Variants in SCAPER observed in about 807,000 individuals in gnomAD.
SCAPER encodes the protein S-phase cyclin A associated protein in the ER.
A neutral mutation model predicts 182.2 loss-of-function variants in SCAPER; 98 were observed. That is an observed-to-expected ratio of 0.54 (90% CI 0.46 to 0.64). The LOEUF (loss-of-function observed/expected upper bound fraction) is 0.64, where lower values mean the gene tolerates loss of function less well. Among genes scored for constraint, SCAPER ranks in the 30% least tolerant of loss-of-function variants. SCAPER has a pLI of 0.00. For synonymous variants in SCAPER, 605 were observed against 564.6 expected (o/e 1.07, Z -1.01); for missense variants, 1,432 against 1,690.0 (o/e 0.85, Z 2.68).
At chr15:76,627,661 T>C (rs1031809032) in intron 21 of SCAPER, among the ~76,000 whole-genome samples, 4 of 152,240 alleles carry the variant, frequency 2.6e-5, no homozygotes, top group African/African-American at 4.8e-5. Flanking sequence ...CCATGGTGTA[T>C]ATGTCCCACA....
chr15:76,388,504 G>A (rs16968191), intron 27 of SCAPER, among the ~76,000 whole-genome samples: 2,967 of 152,148 alleles, frequency 0.02, 90 homozygotes, highest in African/African-American at 0.067. Context: ...GAAGTGGGCC[G>A]TTTGGTGTGG....
At chr15:76,433,982 T>G in intron 26 of SCAPER, 96 bp downstream of exon 26, 2 of 982,016 alleles carry the variant, frequency 2.0e-6, no homozygotes, top group Non-Finnish European at 3.0e-6. Flanking sequence ...AATGGCATTG[T>G]GAGAACCACT....
At chr15:76,416,857 C>T (rs998785477) in intron 26 of SCAPER, among the ~76,000 whole-genome samples, 5 of 152,090 alleles carry the variant, frequency 3.3e-5, no homozygotes, top group African/African-American at 1.2e-4. Flanking sequence ...CTTGGAAAAC[C>T]AGTAGAAATT....
At chr15:76,695,614 A>G (rs1459952223) in intron 20 of SCAPER, among the ~76,000 whole-genome samples, 1 of 151,964 alleles carries the variant, frequency 6.6e-6, no homozygotes, top group Non-Finnish European at 1.5e-5. Flanking sequence ...AAAAAGAAAA[A>G]AGAAAAAAAA....
chr15:76,389,378 G>A (rs2043501922), intron 27 of SCAPER, among the ~76,000 whole-genome samples: 1 of 151,636 alleles, frequency 6.6e-6, no homozygotes, highest in Admixed American at 6.6e-5. Context: ...GCATGTGCCT[G>A]TAATCCCAGC....
intron 5 of SCAPER, among the ~76,000 whole-genome samples, chr15:76,805,386 T>C (rs1290993382): frequency 1.3e-5 from 2 of 152,124 alleles, no homozygotes; most frequent in Admixed American, 1.3e-4. Flanking sequence ...CAGCAGCAAT[T>C]TATGAGAGTT....
chr15:76,427,388 A>G (rs2046511284), intron 26 of SCAPER, among the ~76,000 whole-genome samples: 1 of 152,214 alleles, frequency 6.6e-6, no homozygotes, highest in East Asian at 1.9e-4. Flanking sequence ...AAATAACCCA[A>G]TTCAAAAAGG....
chr15:76,538,304 T>C (rs1236384735), intron 23 of SCAPER, among the ~76,000 whole-genome samples: 1 of 149,394 alleles, frequency 6.7e-6, no homozygotes, highest in Admixed American at 6.7e-5. Context: ...TAGCAAAGAC[T>C]TGGAACCAAC....
At chr15:76,855,457 CAAAAA>C (rs34226154) in intron 4 of SCAPER, among the ~76,000 whole-genome samples, 8,211 of 116,296 alleles carry the variant, frequency 0.071, 220 homozygotes, top group African/African-American at 0.11. Flanking sequence ...TTCTGCACAG[CAAAAA>C]AAAAAAAAAA....
Position 76,606,189 on chromosome 15 carries a change from T to G in SCAPER, c.2711+15575A>C, listed in dbSNP as rs188969845. 8.1e-4 allele frequency among the ~76,000 whole-genome samples: 123 copies of G among 152,378 alleles called. 2 individuals carry two copies. In the East Asian group the frequency reaches 0.023, roughly 28 times the overall value. On this transcript the variant is annotated intron_variant, in intron 22 of 31. Transcript: ENST00000563290. The stretch of plus-strand genomic sequence containing the variant: ...ATGAATTTCCCTCTACACACTGCTT[T>G]GAATGTGTCCCAGAGATTTTGGTAT...
At chr15:76,901,920 C>T (rs925108124) in intron 1 of SCAPER, among the ~76,000 whole-genome samples, 8 of 152,074 alleles carry the variant, frequency 5.3e-5, no homozygotes, top group Admixed American at 3.3e-4. Flanking sequence ...AGGGTTTCAC[C>T]GTGTTAGCCA....
At chr15:76,772,332 T>C (rs1170824524) in intron 9 of SCAPER, among the ~76,000 whole-genome samples, 2 of 152,030 alleles carry the variant, frequency 1.3e-5, no homozygotes, top group African/African-American at 4.8e-5. Context: ...CAAAAGTATT[T>C]ACATGGTCTT....
intron 21 of SCAPER, among the ~76,000 whole-genome samples, chr15:76,647,200 A>G (rs1225488721): frequency 6.6e-6 from 1 of 152,220 alleles, no homozygotes; most frequent in African/African-American, 2.4e-5. Context: ...CAGTTGAAAT[A>G]CACAGTACTT....
At chr15:76,748,156 A>C (rs1165397735) in intron 15 of SCAPER, among the ~76,000 whole-genome samples, 1 of 151,722 alleles carries the variant, frequency 6.6e-6, no homozygotes, top group Admixed American at 6.6e-5. Flanking sequence ...ATGCCGCGCT[A>C]ATTTTGTATT....
intron 2 of SCAPER, among the ~76,000 whole-genome samples, chr15:76,883,460 G>A (rs1016481205): frequency 6.6e-6 from 1 of 152,166 alleles, no homozygotes; most frequent in African/African-American, 2.4e-5. Flanking sequence ...CCTAGCCCAG[G>A]GAGAGTAGGT....
intron 4 of SCAPER, among the ~76,000 whole-genome samples, chr15:76,854,804 A>C (rs928851003): frequency 4.1e-4 from 2 of 4,858 alleles, no homozygotes; most frequent in African/African-American, 5.2e-4. Flanking sequence ...CTAAAAATAC[A>C]AAAAAAAAAA....
At chr15:76,350,354 C>T (rs2040454096) in intron 31 of SCAPER, 1 of 137,656 alleles carries the variant, frequency 7.3e-6, no homozygotes, top group African/African-American at 2.9e-5. Context: ...CACCTGTCCA[C>T]TGTAGAGGAC....
intron 29 of SCAPER, among the ~76,000 whole-genome samples, chr15:76,373,883 T>C (rs2042355598): frequency 6.6e-6 from 1 of 151,874 alleles, no homozygotes; most frequent in Non-Finnish European, 1.5e-5. Flanking sequence ...TTCCGAGTTC[T>C]TGGGCCTGCC....
chr15:76,653,005 G>A (rs1337040737), intron 21 of SCAPER, among the ~76,000 whole-genome samples: 2 of 152,134 alleles, frequency 1.3e-5, no homozygotes. Context: ...TCCTAGAATT[G>A]ATAAATGACA....
Sources: allele counts gnomAD v4.1 joint callset (sites outside exome capture counted in the v4.1 genomes callset), GRCh38; gene constraint gnomAD v4.1.1; transcripts MANE v1.5; gene names NCBI Gene and HGNC (gene_info 2026-07-23, HGNC 2026-07-21).